The following SPC25 variants were observed in gnomAD, a reference collection of about 807,000 sequenced individuals.
SPC25 encodes kinetochore protein Spc25.
A neutral mutation model predicts 29.6 loss-of-function variants in SPC25; 22 were observed. That is an observed-to-expected ratio of 0.74 (90% CI 0.53 to 1.06). The LOEUF (loss-of-function observed/expected upper bound fraction) is 1.06. SPC25 is among the 50% of genes least tolerant of loss of function. SPC25 has a pLI of 0.00. For missense variants in SPC25, 230 were observed against 255.8 expected, an observed-to-expected ratio of 0.90 and a Z score of 0.69; for synonymous variants, 91 against 90.4, an observed-to-expected ratio of 1.01 and a Z score of -0.04.
At chr2:168,890,276 C>G in intron 1 of SPC25, 42 bp downstream of exon 1, 2 of 940,900 alleles carry the variant, frequency 2.1e-6, no homozygotes, top group Non-Finnish European at 2.5e-6. Context: ...CTTATTGCGA[C>G]AGGGGGGCCA....
intron 3 of SPC25, chr2:168,884,995 C>A (rs1421155143): frequency 1.3e-5 from 2 of 152,112 alleles, no homozygotes; most frequent in African/African-American, 4.8e-5. Context: ...CTTCAACCCC[C>A]TAAATACACT....
At chr2:168,885,496 G>T (rs56071183) in intron 3 of SPC25, among the ~76,000 whole-genome samples, 2 of 152,164 alleles carry the variant, frequency 1.3e-5, no homozygotes, top group Admixed American at 6.5e-5. Flanking sequence ...AAATCCTGTA[G>T]CAACTCTTTA....
chr2:168,879,562 T>C (rs936740315), intron 3 of SPC25, among the ~76,000 whole-genome samples: 2 of 152,238 alleles, frequency 1.3e-5, no homozygotes, highest in African/African-American at 4.8e-5. Flanking sequence ...CTTTCTCCAT[T>C]GAAGTCTTGA....
intron 3 of SPC25, among the ~76,000 whole-genome samples, chr2:168,888,984 TATATATGTATATATATACAC>T (rs1559158592): frequency 2.0e-4 from 18 of 87,926 alleles, no homozygotes; most frequent in South Asian, 3.4e-4. Context: ...CACACACACA[TATATATGTATATATATACAC>T]ATATATGTAT....
intron 3 of SPC25, among the ~76,000 whole-genome samples, chr2:168,878,739 T>C (rs1294512915): frequency 6.6e-6 from 1 of 152,214 alleles, no homozygotes; most frequent in Non-Finnish European, 1.5e-5. Flanking sequence ...TAGGTAAGAA[T>C]AGATGTTTAT....
chr2:168,888,758 T>C (rs1690315546), intron 3 of SPC25, among the ~76,000 whole-genome samples: 1 of 150,000 alleles, frequency 6.7e-6, no homozygotes, highest in South Asian at 2.1e-4. Flanking sequence ...TGTGTCTATA[T>C]ATATGTATAT....
In SPC25 at chr2:168,889,569, C is replaced by T. The variant is rs2272060; in HGVS notation, c.-14-36G>A. 13,553 of 1,575,796 alleles carry T rather than the reference C, an allele frequency of 8.6e-3. 431 individuals are homozygous for T. Among genetic ancestry groups the T allele is most frequent in the East Asian group, 0.078 (3,435 of 44,030 alleles). On this transcript the variant is annotated intron_variant, in intron 1 of 6. Coordinates refer to ENST00000282074, the MANE Select transcript of SPC25 (RefSeq NM_020675.4). ...AATACATATTGCATTTTTTAAGTTA[C>T]TGAAATCAAATCACCCACATATTCC...
chr2:168,876,431 A>G (rs1371156197), intron 4 of SPC25, among the ~76,000 whole-genome samples: 1 of 152,206 alleles, frequency 6.6e-6, no homozygotes, highest in African/African-American at 2.4e-5. Context: ...ATGTAGTAGC[A>G]TAAGTAAATA....
intron 5 of SPC25, 76 bp from the exon 6 acceptor site, chr2:168,873,759 T>A: frequency 1.1e-6 from 1 of 899,056 alleles, no homozygotes; most frequent in South Asian, 1.3e-5. Context: ...CTTTGATCAA[T>A]ATCTGCACTG....
intron 4 of SPC25, chr2:168,861,933 T>A: frequency 6.2e-7 from 1 of 1,606,218 alleles, no homozygotes; most frequent in African/African-American, 1.3e-5. Flanking sequence ...TAACACAGCA[T>A]ACTAATTACA....
intron 4 of SPC25, among the ~76,000 whole-genome samples, chr2:168,864,290 T>A (rs1407150576): frequency 3.3e-5 from 5 of 151,634 alleles, no homozygotes; most frequent in Admixed American, 2.6e-4. Context: ...ATCCTGTTTT[T>A]TTTTTTCTGA....
intron 4 of SPC25, chr2:168,861,977 C>T (rs2105797144): frequency 6.2e-7 from 1 of 1,614,214 alleles, no homozygotes; most frequent in Non-Finnish European, 8.5e-7. Flanking sequence ...TGCAGCCCAG[C>T]TCAGCAGCAG....
chr2:168,870,467 G>C (rs1689957069), downstream of SPC25, among the ~76,000 whole-genome samples: 6 of 150,934 alleles, frequency 4.0e-5, no homozygotes, highest in African/African-American at 1.5e-4. Context: ...ATCTGACAAA[G>C]GGCTAATATC....
At chr2:168,880,119 G>A (rs545781722) in intron 3 of SPC25, among the ~76,000 whole-genome samples, 2 of 152,138 alleles carry the variant, frequency 1.3e-5, no homozygotes, top group South Asian at 2.1e-4. Context: ...AAGTCACCAG[G>A]TGCATTAGTC....
At chr2:168,869,301 C>G (rs10207368), downstream of SPC25, among the ~76,000 whole-genome samples, 241 of 152,228 alleles carry the variant, frequency 1.6e-3, no homozygotes, top group African/African-American at 5.4e-3. Flanking sequence ...CGGCACAAGA[C>G]AGGGATGCCC....
intron 4 of SPC25, chr2:168,865,150 A>G: frequency 1.5e-6 from 1 of 670,140 alleles, no homozygotes. Flanking sequence ...AAAAAGATGG[A>G]TGGGTGGAGA....
At chr2:168,887,428 A>C (rs1164563093) in intron 3 of SPC25, among the ~76,000 whole-genome samples, 2 of 150,518 alleles carry the variant, frequency 1.3e-5, no homozygotes, top group Non-Finnish European at 2.9e-5. Context: ...TCTCAAAAAA[A>C]AAAAAAGAAA....
intron 3 of SPC25, 69 bp downstream of exon 3, chr2:168,889,157 G>A (rs1166527535): frequency 7.3e-7 from 1 of 1,366,658 alleles, no homozygotes; most frequent in Non-Finnish European, 1.0e-6. Context: ...TGTCTTACTT[G>A]TATGAGAGAT....
chr2:168,889,006 T>C (rs1213308325), intron 3 of SPC25, among the ~76,000 whole-genome samples: 1 of 133,372 alleles, frequency 7.5e-6, no homozygotes, highest in African/African-American at 3.0e-5. Context: ...TATATACACA[T>C]ATATGTATAT....
Sources: allele counts gnomAD v4.1 joint callset (sites outside exome capture counted in the v4.1 genomes callset), GRCh38; gene constraint gnomAD v4.1.1; transcripts MANE v1.5; gene names NCBI Gene and HGNC (gene_info 2026-07-23, HGNC 2026-07-21).